The following ZFY variants were observed in gnomAD, a reference collection of about 807,000 sequenced individuals.
The protein encoded by ZFY is zinc finger Y-chromosomal protein.
For missense variants in ZFY, 113 were observed against 170.9 expected (o/e 0.66, Z 1.89); for synonymous variants, 47 against 55.8 (o/e 0.84, Z 0.71).
intron 1 of ZFY, among the ~76,000 whole-genome samples, chrY:2,940,548 A>G (rs1443697427): frequency 1.2e-4 from 4 of 33,708 alleles, no homozygotes; most frequent in Non-Finnish European, 2.2e-4. Context: ...GTCTTTTTCT[A>G]TTTAAAGAAA....
chrY:2,972,424 A>G (rs2051350807), intron 3 of ZFY, among the ~76,000 whole-genome samples: 1 of 33,479 alleles, frequency 3.0e-5, no homozygotes, highest in Non-Finnish European at 7.4e-5. Context: ...TCGTCATTGT[A>G]TTTTTGTTTT....
At chrY:2,976,646 A>G in intron 5 of ZFY, 24 bp from the exon 6 acceptor site, 3 of 369,542 alleles carry the variant, frequency 8.1e-6, no homozygotes, top group Non-Finnish European at 1.1e-5. Context: ...GTCACAAAAA[A>G]TTTTTTATTT....
chrY:2,962,624 T>C, intron 3 of ZFY, among the ~76,000 whole-genome samples: 2 of 32,537 alleles, frequency 6.1e-5, no homozygotes, highest in Admixed American at 5.7e-4. Context: ...AGTAGGCATT[T>C]ACCTCTTATA....
chrY:2,961,684 T>C (rs1198413034), intron 3 of ZFY, 38 bp downstream of exon 3: 1 of 345,527 alleles, frequency 2.9e-6, no homozygotes, highest in Non-Finnish European at 4.2e-6. Flanking sequence ...GCAATGTTTT[T>C]GAAACCTGTG....
chrY:2,961,521 A>T lies in ZFY; in HGVS notation c.509A>T (p.Asp170Val), dbSNP rs1403016760. The T allele has an allele frequency of 1.5e-5, 6 of 399,028 alleles. No homozygotes were observed. In the South Asian group the frequency reaches 1.8e-4, roughly 12 times the overall value. ...AEIITDPLTS[D>V]IVSEEVLVAD... ...ATCATTACTGATCCTCTGACGAGTG[A>T]CATAGTTTCAGAAGAAGTATTGGTA... Residue 170 changes from aspartate (D) to valine (V), a missense_variant, in exon 3 of 8, where the codon GAC (aspartate) becomes GTC (valine). Asp to Val is a radical substitution (Grantham distance 152). Coordinates refer to ENST00000155093, the MANE Select transcript of ZFY (RefSeq NM_003411.4).
chrY:2,943,471 A>G, intron 1 of ZFY, among the ~76,000 whole-genome samples: 1 of 32,825 alleles, frequency 3.0e-5, no homozygotes, highest in Non-Finnish European at 7.4e-5. Context: ...TATTTTATAT[A>G]TTTTTAGTAG....
chrY:2,955,715 C>A, intron 2 of ZFY, among the ~76,000 whole-genome samples: 1 of 33,753 alleles, frequency 3.0e-5, no homozygotes, highest in Non-Finnish European at 7.3e-5. Context: ...TTTAAGCTAG[C>A]AGTGCTTCTT....
intron 1 of ZFY, among the ~76,000 whole-genome samples, chrY:2,949,754 A>G: frequency 3.9e-5 from 1 of 25,792 alleles, no homozygotes; most frequent in Admixed American, 3.7e-4. Flanking sequence ...GGAGACTGAG[A>G]TGAGAGGATC....
Position 2,975,649 on chromosome Y carries a change from A to G in ZFY, c.923A>G (p.Asp308Gly). Residue 308 changes from aspartate (D) to glycine (G), a missense_variant, in exon 5 of 8, where the codon GAT (aspartate) becomes GGT (glycine). Transcript: ENST00000155093. ...TVNDSQQEDE[D>G]LNVAEIADEV... ...AATGACTCTCAACAAGAAGATGAAG[A>G]TTTAAGTATGTGGCTTTTTAAAAAA... is the stretch of plus-strand genomic sequence containing the variant. 1 of 392,988 alleles carries G rather than the reference A, an allele frequency of 2.5e-6. No homozygotes were observed. Among genetic ancestry groups the G allele is most frequent in the South Asian group, 3.1e-5 (1 of 32,069 alleles).
chrY:2,963,393 A>G, intron 3 of ZFY, among the ~76,000 whole-genome samples: 4 of 33,339 alleles, frequency 1.2e-4, no homozygotes, highest in African/African-American at 3.5e-4. Flanking sequence ...CCTAAGTGCT[A>G]TTGAGATCAA....
intron 1 of ZFY, among the ~76,000 whole-genome samples, chrY:2,946,476 G>A (rs2051262399): frequency 6.2e-5 from 2 of 32,426 alleles, no homozygotes; most frequent in African/African-American, 2.4e-4. Flanking sequence ...TTCTACTTAC[G>A]TCTTTTCAGT....
chrY:2,944,978 G>A, intron 1 of ZFY, among the ~76,000 whole-genome samples: 6 of 31,204 alleles, frequency 1.9e-4, no homozygotes, highest in African/African-American at 6.3e-4. Context: ...AACTCCTGAC[G>A]TCAGGTGATC....
chrY:2,967,240 T>A, intron 3 of ZFY, among the ~76,000 whole-genome samples: 1 of 33,767 alleles, frequency 3.0e-5, no homozygotes, highest in Non-Finnish European at 7.3e-5. Flanking sequence ...AAGAAGTGGG[T>A]GCAGTATCTA....
At chrY:2,937,603 ATT>A (rs2051220424) in intron 1 of ZFY, among the ~76,000 whole-genome samples, 7 of 32,877 alleles carry the variant, frequency 2.1e-4, no homozygotes, top group Admixed American at 2.8e-4. Flanking sequence ...CCTATTTAAA[ATT>A]GTAAGCAAAA....
intron 1 of ZFY, among the ~76,000 whole-genome samples, chrY:2,946,993 G>A (rs2124502052): frequency 3.0e-5 from 1 of 33,022 alleles, no homozygotes; most frequent in Admixed American, 2.7e-4. Context: ...CTCCAGCCTG[G>A]GCAAAAAGAG....
intron 5 of ZFY, among the ~76,000 whole-genome samples, chrY:2,976,418 G>A: frequency 3.7e-4 from 12 of 32,089 alleles, no homozygotes; most frequent in Admixed American, 1.1e-3. Flanking sequence ...CCAAGCTGTC[G>A]TCTTTTTTTT....
intron 1 of ZFY, among the ~76,000 whole-genome samples, chrY:2,939,349 A>G (rs2051233660): frequency 3.1e-5 from 1 of 32,202 alleles, no homozygotes; most frequent in African/African-American, 1.2e-4. Flanking sequence ...TGCTCGTTTT[A>G]CAAAAACCTT....
chrY:2,957,173 T>G (rs2051295648), intron 2 of ZFY, among the ~76,000 whole-genome samples: 1 of 31,704 alleles, frequency 3.2e-5, no homozygotes, highest in Non-Finnish European at 7.7e-5. Flanking sequence ...TGGTTTTTTT[T>G]TTTTGTTTTT....
intron 1 of ZFY, among the ~76,000 whole-genome samples, chrY:2,951,756 A>G (rs1338509306): frequency 3.0e-5 from 1 of 32,865 alleles, no homozygotes; most frequent in African/African-American, 1.2e-4. Flanking sequence ...GGACAAGACT[A>G]TAGTAGCCAT....
Sources: gnomAD v4.1 joint callset for allele counts (sites outside exome capture counted in the v4.1 genomes callset) on GRCh38, gnomAD v4.1.1 for gene constraint, MANE v1.5 for transcripts, NCBI Gene and HGNC (gene_info 2026-07-23, HGNC 2026-07-21) for gene names.